Variants in CCDC92B observed in about 807,000 individuals in gnomAD.
The protein encoded by CCDC92B is coiled-coil domain containing 92B.
CCDC92B carries 2 observed loss-of-function variants against 5.6 expected under a neutral mutation model. The ratio of observed to expected loss-of-function variants is 0.36; its 90% CI spans 0.15 to 1.12. CCDC92B has a LOEUF of 1.12. Among genes scored for constraint, CCDC92B ranks in the 50% most tolerant of loss-of-function variants. CCDC92B has a pLI of 0.40. For missense variants in CCDC92B, 271 were observed against 262.2 expected, an observed-to-expected ratio of 1.03 and a Z score of -0.23; for synonymous variants, 115 against 122.3, an observed-to-expected ratio of 0.94 and a Z score of 0.39.
chr17:2,727,790 C>T (rs1369488012), intron 3 of CCDC92B, among the ~76,000 whole-genome samples: 2 of 150,750 alleles, frequency 1.3e-5, no homozygotes, highest in East Asian at 1.9e-4. Flanking sequence ...CGCCACTGCA[C>T]TCCAGCCTGG....
At chr17:2,741,643 A>AGT (rs1483059528) in intron 1 of CCDC92B, among the ~76,000 whole-genome samples, 1 of 134,690 alleles carries the variant, frequency 7.4e-6, no homozygotes, top group Non-Finnish European at 1.5e-5. Flanking sequence ...CCCAGGCTGG[A>AGT]GTGCAGTGGT....
At chr17:2,736,529 G>T (rs923497318) in intron 1 of CCDC92B, among the ~76,000 whole-genome samples, 1 of 151,880 alleles carries the variant, frequency 6.6e-6, no homozygotes, top group Admixed American at 6.6e-5. Context: ...GGAAGACTGC[G>T]TGAGTCCAGG....
chr17:2,747,964 T>G, intron 1 of CCDC92B: 1 of 357,768 alleles, frequency 2.8e-6, no homozygotes, highest in East Asian at 7.1e-5. Context: ...TATTAATGTA[T>G]CCACTTTATC....
chr17:2,745,090 A>AT lies in CCDC92B; in HGVS notation c.-24+4320_-24+4321insA, dbSNP rs72203225. On this transcript the variant is annotated intron_variant, in intron 1 of 3. Coordinates refer to ENST00000614400, the MANE Select transcript of CCDC92B (RefSeq NM_001355573.2). ...TCAAAAAAAAAAAAAAAAAAAAAAA[A>AT]GATAAAATAAAAACATAATAATACA... Among the ~76,000 whole-genome samples, 220 of 143,048 alleles carry AT rather than the reference A, an allele frequency of 1.5e-3. 5 individuals are homozygous for AT. The highest frequency in any genetic ancestry group is 5.2e-3 in the African/African-American group (199 of 37,988). The allele number at this position is 143,048 out of a possible 152,430, so 93.8% of individuals were successfully genotyped here.
chr17:2,748,293 A>C, intron 1 of CCDC92B: 1 of 1,150,368 alleles, frequency 8.7e-7, no homozygotes, highest in Non-Finnish European at 1.2e-6. Flanking sequence ...CCTTGCTCTG[A>C]TGTGACTTTT....
At chr17:2,747,873 A>C (rs1374000315) in intron 1 of CCDC92B, among the ~76,000 whole-genome samples, 3 of 152,250 alleles carry the variant, frequency 2.0e-5, no homozygotes, top group Admixed American at 2.0e-4. Context: ...AATACTTATA[A>C]TAATAAGTAA....
intron 3 of CCDC92B, among the ~76,000 whole-genome samples, chr17:2,727,666 A>G (rs1369501713): frequency 6.6e-6 from 1 of 152,160 alleles, no homozygotes; most frequent in African/African-American, 2.4e-5. Flanking sequence ...TCTACTAAAA[A>G]TACAAAAATT....
intron 1 of CCDC92B, chr17:2,748,314 C>T: frequency 4.9e-6 from 6 of 1,233,612 alleles, no homozygotes; most frequent in Non-Finnish European, 6.4e-6. Flanking sequence ...ACCATGAAGC[C>T]ATCCCTGATC....
rs2071028657 is a variant in CCDC92B, at chr17:2,749,446, T to A, written c.-59A>T. 6.6e-6 allele frequency: 1 copy of A among 150,992 alleles called. No individual in the cohort carries two copies. Among genetic ancestry groups the A allele is most frequent in the Admixed American group, 6.6e-5 (1 of 15,192 alleles). 9.4% of individuals were successfully genotyped at this position (150,992 alleles called of 1,614,324 possible). Reference sequence around the variant, plus strand: ...TGGGAGTCACCGGCCGGCGGGGCCCTGGGTCCGGGCCGGGCTGGGTGGGGG... The same window carrying A: ...TGGGAGTCACCGGCCGGCGGGGCCCAGGGTCCGGGCCGGGCTGGGTGGGGG... On this transcript the variant is annotated 5_prime_UTR_variant, in exon 1 of 4. Coordinates refer to ENST00000614400, the MANE Select transcript of CCDC92B (RefSeq NM_001355573.2).
Position 2,720,966 on chromosome 17 carries a change from G to C in CCDC92B, c.*3445C>G, listed in dbSNP as rs893219565. The C allele has an allele frequency of 6.6e-6, 1 of 152,224 alleles. No individual in the cohort carries two copies. The highest frequency in any genetic ancestry group is 2.4e-5 in the African/African-American group (1 of 41,440). The allele number at this position is 152,224 out of a possible 1,614,324, so 9.4% of individuals were successfully genotyped here. A position where few individuals can be genotyped will look rare whatever the true frequency, so the allele number is the denominator to read the frequency against. On this transcript the variant is annotated 3_prime_UTR_variant, in exon 4 of 4. Transcript: ENST00000614400. ...CCCTCTGCCCTGCCACAGGGCTCCTGCCAGGTGGGTTTGAAGCCCTGCACA... is the reference window on the plus strand; with the variant it reads ...CCCTCTGCCCTGCCACAGGGCTCCTCCCAGGTGGGTTTGAAGCCCTGCACA...
intron 1 of CCDC92B, among the ~76,000 whole-genome samples, chr17:2,737,951 G>A (rs987062722): frequency 3.9e-5 from 6 of 151,954 alleles, no homozygotes; most frequent in African/African-American, 7.3e-5. Context: ...AAGGGCTCTC[G>A]TACCGCTTCA....
chr17:2,723,922 T>A lies in CCDC92B; in HGVS notation c.*489A>T, dbSNP rs2070689199. ...GAAGGACCAGCCCCTAGCCTGGGCC[T>A]CTCCTGGGGAGGAAGAAGGCTTGGC... On this transcript the variant is annotated 3_prime_UTR_variant, in exon 4 of 4. Coordinates refer to ENST00000614400, the MANE Select transcript of CCDC92B (RefSeq NM_001355573.2). 1 of 978,906 alleles carries A rather than the reference T, an allele frequency of 1.0e-6. No homozygotes were observed. The highest frequency in any genetic ancestry group is 1.2e-6 in the Non-Finnish European group (1 of 827,888). The allele number at this position is 978,906 out of a possible 1,614,324, so 60.6% of individuals were successfully genotyped here.
rs373051433 is a variant in CCDC92B, at chr17:2,739,235, C to A, written c.-23-4067G>T. 5.9e-4 allele frequency among the ~76,000 whole-genome samples: 89 copies of A among 150,128 alleles called. No individual in the cohort carries two copies. The East Asian group carries it at 0.011, about 19-fold the overall frequency. On this transcript the variant is annotated intron_variant, in intron 1 of 3. Coordinates refer to ENST00000614400, the MANE Select transcript of CCDC92B (RefSeq NM_001355573.2). Reference sequence around the variant, plus strand: ...ACAAAAAATTAGCTGGGTGTGGTGGCGGGCGCCTGTAGTCCCAGCTACTCG... The same window carrying A: ...ACAAAAAATTAGCTGGGTGTGGTGGAGGGCGCCTGTAGTCCCAGCTACTCG...
chr17:2,741,589 G>T (rs1597244968), intron 1 of CCDC92B, among the ~76,000 whole-genome samples: 1 of 141,668 alleles, frequency 7.1e-6, no homozygotes, highest in African/African-American at 2.5e-5. Flanking sequence ...CGAGGCAGGA[G>T]AATCTCTTTT....
At chr17:2,744,290 A>G (rs1212949895) in intron 1 of CCDC92B, among the ~76,000 whole-genome samples, 3 of 151,978 alleles carry the variant, frequency 2.0e-5, no homozygotes, top group Non-Finnish European at 4.4e-5. Flanking sequence ...TGGCATCTCA[A>G]AAGTGCTGGG....
intron 1 of CCDC92B, among the ~76,000 whole-genome samples, chr17:2,747,588 A>G (rs577626382): frequency 5.9e-5 from 9 of 152,302 alleles, no homozygotes; most frequent in Admixed American, 3.9e-4. Context: ...TTAGCAGGGC[A>G]TGATGGCACG....
chr17:2,749,388 C>G (rs1247906495), intron 1 of CCDC92B, 23 bp downstream of exon 1: 1 of 152,022 alleles, frequency 6.6e-6, no homozygotes, highest in Non-Finnish European at 1.5e-5. Context: ...ACACCCCCCA[C>G]GCCCACCGAC....
chr17:2,737,689 G>A (rs1022177821), intron 1 of CCDC92B, among the ~76,000 whole-genome samples: 8 of 151,592 alleles, frequency 5.3e-5, no homozygotes, highest in Non-Finnish European at 1.2e-4. Context: ...TGTTAGCCAG[G>A]ATGGTCTCGA....
In CCDC92B at chr17:2,724,840, C is replaced by G. The variant is rs921960160; in HGVS notation, c.339G>C (p.Leu113=). 16 of 984,988 alleles carry G rather than the reference C, an allele frequency of 1.6e-5. No homozygotes were observed. The African/African-American group carries it at 2.4e-4, about 15-fold the overall frequency. The allele number at this position is 984,988 out of a possible 1,614,324, so 61.0% of individuals were successfully genotyped here. A position where few individuals can be genotyped will look rare whatever the true frequency, so the allele number is the denominator to read the frequency against. ...CSLRTEERRF[L]EELRRRSHRA... ...GGTGGCTGCGGCGGCGCAGCTCCTC[C>G]AGGAAGCGGCGCTCCTCGGTGCGCA... The change falls in exon 4 of 4, where the codon CTG becomes CTC. Residue 113 remains leucine, a synonymous_variant. Transcript: ENST00000614400. This position sits in a 1 kb window ranked among gnomAD's most constrained non-coding sequence, Gnocchi z 5.0.
Sources: allele counts gnomAD v4.1 joint callset (sites outside exome capture counted in the v4.1 genomes callset), GRCh38; gene constraint gnomAD v4.1.1; non-coding constraint Gnocchi (gnomAD v3.1); transcripts MANE v1.5; gene names NCBI Gene and HGNC (gene_info 2026-07-23, HGNC 2026-07-21).